PDE3A: variants seen among roughly 807,000 people sequenced by gnomAD.
PDE3A encodes the protein cGMP-inhibited 3',5'-cyclic phosphodiesterase 3A.
In PDE3A, 43 loss-of-function variants were observed where a neutral mutation model predicts 98.3. That is an observed-to-expected ratio of 0.44 (90% CI 0.34 to 0.56). The LOEUF (loss-of-function observed/expected upper bound fraction) is 0.56. Among genes scored for constraint, PDE3A ranks in the 20% least tolerant of loss-of-function variants. The pLI is 0.01. For synonymous variants in PDE3A, 663 were observed against 567.9 expected, an observed-to-expected ratio of 1.17 and a Z score of -2.38; for missense variants, 1,427 against 1,440.7, an observed-to-expected ratio of 0.99 and a Z score of 0.15.
At chr12:20,619,660 G>A (rs1046062836) in intron 4 of PDE3A, among the ~76,000 whole-genome samples, 5 of 152,040 alleles carry the variant, frequency 3.3e-5, no homozygotes, top group Non-Finnish European at 7.4e-5. Flanking sequence ...AAGAACTTGT[G>A]AAATACCTAG....
intron 5 of PDE3A, among the ~76,000 whole-genome samples, chr12:20,623,360 A>C (rs1944180766): frequency 6.6e-6 from 1 of 152,138 alleles, no homozygotes; most frequent in Non-Finnish European, 1.5e-5. Context: ...AAACTACACA[A>C]CACCAAAGAT....
chr12:20,487,501 T>TAAAA (rs34671800), intron 1 of PDE3A, among the ~76,000 whole-genome samples: 15,351 of 62,016 alleles, frequency 0.25, 2,227 homozygotes, highest in East Asian at 0.59. Context: ...CTGTCTCTAC[T>TAAAA]AAAAAAAAAA....
intron 1 of PDE3A, among the ~76,000 whole-genome samples, chr12:20,460,877 T>G (rs1278716648): frequency 6.6e-6 from 1 of 152,148 alleles, no homozygotes; most frequent in African/African-American, 2.4e-5. Context: ...CTAGCTTCCC[T>G]CAGTCATTCA....
intron 1 of PDE3A, among the ~76,000 whole-genome samples, chr12:20,380,978 G>A (rs1474182714): frequency 2.0e-5 from 3 of 151,832 alleles, no homozygotes; most frequent in African/African-American, 4.8e-5. Context: ...AGTAGTGTCT[G>A]TTTTTATTCC....
intron 1 of PDE3A, among the ~76,000 whole-genome samples, chr12:20,436,049 A>G (rs1275361095): frequency 6.6e-6 from 1 of 152,164 alleles, no homozygotes; most frequent in East Asian, 1.9e-4. Flanking sequence ...TGTTACTCAA[A>G]GTAAGACTTG....
At chr12:20,672,927 A>G (rs11045383) in intron 15 of PDE3A, among the ~76,000 whole-genome samples, 76,244 of 144,748 alleles carry the variant, frequency 0.53, 20,840 homozygotes, top group East Asian at 0.73. Flanking sequence ...ACAAAATGGG[A>G]GAAAATTTTC....
chr12:20,375,652 C>A (rs1200905210), intron 1 of PDE3A, among the ~76,000 whole-genome samples: 1 of 151,936 alleles, frequency 6.6e-6, no homozygotes, highest in African/African-American at 2.4e-5. Flanking sequence ...CTCAAATCAA[C>A]ACATTTTATC....
chr12:20,515,616 C>A (rs1461643898), intron 1 of PDE3A, among the ~76,000 whole-genome samples: 3 of 152,164 alleles, frequency 2.0e-5, no homozygotes, highest in Admixed American at 2.0e-4. Flanking sequence ...CCACTGGACA[C>A]GTGGAGTATT....
At chr12:20,654,815 T>G (rs530244608) in intron 15 of PDE3A, among the ~76,000 whole-genome samples, 5 of 152,046 alleles carry the variant, frequency 3.3e-5, no homozygotes, top group Non-Finnish European at 5.9e-5. Context: ...CCCAGCTGCT[T>G]CAGGTTATGT....
At chr12:20,394,722 C>A (rs1943976735) in intron 1 of PDE3A, among the ~76,000 whole-genome samples, 1 of 152,002 alleles carries the variant, frequency 6.6e-6, no homozygotes, top group African/African-American at 2.4e-5. Context: ...TCTGCTTCTA[C>A]TTGCTGTGAC....
intron 1 of PDE3A, among the ~76,000 whole-genome samples, chr12:20,419,512 C>T (rs1043461649): frequency 2.0e-5 from 3 of 151,386 alleles, no homozygotes; most frequent in Non-Finnish European, 4.4e-5. Flanking sequence ...CTCTAAAAGA[C>T]GCTGTGTTTT....
intron 1 of PDE3A, among the ~76,000 whole-genome samples, chr12:20,370,505 G>A (rs1591851483): frequency 6.6e-6 from 1 of 150,926 alleles, no homozygotes; most frequent in Non-Finnish European, 1.5e-5. Context: ...GGCATGTGTA[G>A]GGTCTTCCAC....
At chr12:20,404,428 A>C (rs1462090740) in intron 1 of PDE3A, among the ~76,000 whole-genome samples, 1 of 152,140 alleles carries the variant, frequency 6.6e-6, no homozygotes, top group Non-Finnish European at 1.5e-5. Context: ...GTTAAAAAAG[A>C]AAAGGGACAA....
At chr12:20,551,624 T>C in intron 1 of PDE3A, 1 of 1,577,020 alleles carries the variant, frequency 6.3e-7, no homozygotes, top group South Asian at 1.2e-5. Flanking sequence ...AAGCAGCTCA[T>C]GTGCGATGAG....
chr12:20,662,614 G>A (rs1050542431), intron 15 of PDE3A, among the ~76,000 whole-genome samples: 1 of 152,184 alleles, frequency 6.6e-6, no homozygotes, highest in Admixed American at 6.5e-5. Flanking sequence ...ATGATTTAGG[G>A]TATCTGGCCG....
At chr12:20,397,141 G>T (rs1426762046) in intron 1 of PDE3A, among the ~76,000 whole-genome samples, 1 of 152,018 alleles carries the variant, frequency 6.6e-6, no homozygotes, top group Non-Finnish European at 1.5e-5. Flanking sequence ...TTCTAAAAAT[G>T]TATGTTTGTA....
intron 2 of PDE3A, among the ~76,000 whole-genome samples, chr12:20,584,951 C>A (rs1943156256): frequency 6.6e-6 from 1 of 152,146 alleles, no homozygotes; most frequent in Non-Finnish European, 1.5e-5. Flanking sequence ...GCAAGGCACT[C>A]AGAACATTTT....
chr12:20,548,303 T>C (rs748463034), intron 1 of PDE3A, among the ~76,000 whole-genome samples: 1 of 152,116 alleles, frequency 6.6e-6, no homozygotes, highest in Non-Finnish European at 1.5e-5. Context: ...GGAAAGATTT[T>C]ATTTGCCATT....
At chr12:20,374,263 A>G (rs1305845937) in intron 1 of PDE3A, among the ~76,000 whole-genome samples, 1 of 152,162 alleles carries the variant, frequency 6.6e-6, no homozygotes, top group Admixed American at 6.6e-5. Flanking sequence ...AGATATTTAA[A>G]GCATACTGAA....
Sources: gnomAD v4.1 joint callset for allele counts (sites outside exome capture counted in the v4.1 genomes callset) on GRCh38, gnomAD v4.1.1 for gene constraint, MANE v1.5 for transcripts, NCBI Gene and HGNC (gene_info 2026-07-23, HGNC 2026-07-21) for gene names.